The following ANO4 variants were observed in gnomAD, a reference collection of about 807,000 sequenced individuals.
ANO4 encodes anoctamin 4.
Under a neutral mutation model 141.9 loss-of-function variants are expected in ANO4, and 69 were observed. That is an observed-to-expected ratio of 0.49 (90% CI 0.40 to 0.59). ANO4 has a LOEUF of 0.59. Among genes scored for constraint, ANO4 ranks in the 20% least tolerant of loss-of-function variants. The pLI, the probability that ANO4 is intolerant of heterozygous loss-of-function variation, is 0.00. For missense variants in ANO4, 894 were observed against 1,162.2 expected (o/e 0.77, Z 3.36); for synonymous variants, 350 against 394.3 (o/e 0.89, Z 1.33).
chr12:100,868,437 T>G (rs955583102), intron 1 of ANO4, among the ~76,000 whole-genome samples: 4 of 152,178 alleles, frequency 2.6e-5, no homozygotes, highest in African/African-American at 9.7e-5. Flanking sequence ...TCTGAGATTA[T>G]TTAGTCACCA....
chr12:101,025,093 G>A (rs1343784901), intron 9 of ANO4, among the ~76,000 whole-genome samples: 1 of 152,184 alleles, frequency 6.6e-6, no homozygotes, highest in Non-Finnish European at 1.5e-5. Flanking sequence ...GAGCTTTAAA[G>A]ATCAACATGT....
rs575428711 is a variant in ANO4, at chr12:100,956,508, GT to G, written c.456+13976del. 6.0e-4 allele frequency among the ~76,000 whole-genome samples: 92 copies of G among 152,316 alleles called. 1 individual carries two copies. In the South Asian group the frequency reaches 0.018, roughly 30 times the overall value. On this transcript the variant is annotated intron_variant, in intron 5 of 27. Coordinates refer to ENST00000392977, the MANE Select transcript of ANO4 (RefSeq NM_001286615.2). ...GTGGTGAGACCTTGTGCCCATTAGA[GT>G]TTCAGAAGTGCATTATGTCGCCTCT...
chr12:100,776,500 G>T (rs1222022479), intron 3 of ANO4, among the ~76,000 whole-genome samples: 1 of 152,108 alleles, frequency 6.6e-6, no homozygotes, highest in African/African-American at 2.4e-5. Context: ...ACCTTTCATT[G>T]GGGGATACAG....
intron 5 of ANO4, among the ~76,000 whole-genome samples, chr12:100,958,310 A>G (rs373932957): frequency 2.6e-5 from 4 of 152,194 alleles, no homozygotes; most frequent in African/African-American, 9.7e-5. Context: ...ATAAAAATCA[A>G]GTAACTTTCT....
At chr12:100,942,355 GT>G in intron 4 of ANO4, 21 bp from the exon 5 acceptor site, 1 of 1,606,660 alleles carries the variant, frequency 6.2e-7, no homozygotes, top group Non-Finnish European at 8.5e-7. Flanking sequence ...ACTTAAACTG[GT>G]CCCTTTCTCT....
chr12:101,017,431 C>G lies in ANO4; in HGVS notation c.735-2603C>G, dbSNP rs2046356536. 2.6e-5 allele frequency among the ~76,000 whole-genome samples: 4 copies of G among 152,284 alleles called. No individual in the cohort carries two copies. In the South Asian group the frequency reaches 8.3e-4, roughly 32 times the overall value. On this transcript the variant is annotated intron_variant, in intron 8 of 27. Transcript: ENST00000392977. Reference sequence around the variant, plus strand: ...GTGTGGGGACACAGCTAAACCATATCAAGCACCACACTGCATTTCAGAGTG... The same window carrying G: ...GTGTGGGGACACAGCTAAACCATATGAAGCACCACACTGCATTTCAGAGTG...
chr12:101,002,832 AC>A (rs1285369078), intron 8 of ANO4, among the ~76,000 whole-genome samples: 1 of 152,214 alleles, frequency 6.6e-6, no homozygotes, highest in Non-Finnish European at 1.5e-5. Flanking sequence ...GGAGCTCCAG[AC>A]TAAGTTTCTC....
chr12:100,979,590 G>A (rs903662409), intron 7 of ANO4, among the ~76,000 whole-genome samples: 1 of 152,122 alleles, frequency 6.6e-6, no homozygotes, highest in Non-Finnish European at 1.5e-5. Context: ...AGGAGAAAGA[G>A]GGGACAGGAT....
chr12:100,897,015 A>G (rs1023578314), intron 1 of ANO4, among the ~76,000 whole-genome samples: 2 of 152,346 alleles, frequency 1.3e-5, no homozygotes, highest in Non-Finnish European at 2.9e-5. Flanking sequence ...TGCATTAAGT[A>G]ACATAGGTGG....
At chr12:100,759,863 CTT>C (rs2032780700) in intron 3 of ANO4, among the ~76,000 whole-genome samples, 1 of 152,158 alleles carries the variant, frequency 6.6e-6, no homozygotes, top group African/African-American at 2.4e-5. Flanking sequence ...CATATAAAGA[CTT>C]TATAGTCTCA....
chr12:100,812,938 A>G (rs990810980), intron 1 of ANO4, among the ~76,000 whole-genome samples: 2 of 152,244 alleles, frequency 1.3e-5, no homozygotes, highest in East Asian at 1.9e-4. Context: ...ACTCAGGGAT[A>G]TGAAAAGTGG....
chr12:101,001,487 G>A (rs560484346), intron 8 of ANO4, among the ~76,000 whole-genome samples: 43 of 152,184 alleles, frequency 2.8e-4, no homozygotes, highest in Non-Finnish European at 4.7e-4. Context: ...AGGAGGCGCA[G>A]AAACTCAGAA....
intron 17 of ANO4, among the ~76,000 whole-genome samples, chr12:101,087,975 A>C (rs2049573759): frequency 1.3e-5 from 2 of 152,152 alleles, no homozygotes; most frequent in Admixed American, 1.3e-4. Context: ...ATCTAGGCTC[A>C]ACATGGAAGC....
chr12:101,042,675 A>AG (rs1309375310), intron 12 of ANO4, among the ~76,000 whole-genome samples: 1 of 152,200 alleles, frequency 6.6e-6, no homozygotes, highest in Admixed American at 6.5e-5. Flanking sequence ...TGCAAGTAAA[A>AG]GTTACCTTTT....
intron 1 of ANO4, among the ~76,000 whole-genome samples, chr12:100,827,962 G>A (rs2036443083): frequency 2.0e-5 from 3 of 151,992 alleles, no homozygotes; most frequent in Admixed American, 2.0e-4. Flanking sequence ...TACGACGGGT[G>A]TCCCTTCACA....
chr12:101,016,487 C>T (rs919787968), intron 8 of ANO4, among the ~76,000 whole-genome samples: 3 of 152,088 alleles, frequency 2.0e-5, no homozygotes, highest in Non-Finnish European at 2.9e-5. Flanking sequence ...TCCCACCAGA[C>T]CCCACCTCTA....
chr12:101,109,057 C>T lies in ANO4; in HGVS notation c.2150-1347C>T, dbSNP rs531902918. On this transcript the variant is annotated intron_variant, in intron 22 of 27. Coordinates refer to ENST00000392977, the MANE Select transcript of ANO4 (RefSeq NM_001286615.2). ...TCAGTCTGTCTTTGTTTTTCATGAT[C>T]TTGACATATTTGCAGAGTATTTGTC... 2.0e-5 allele frequency among the ~76,000 whole-genome samples: 3 copies of T among 152,184 alleles called. No individual in the cohort carries two copies. In the South Asian group the frequency reaches 6.2e-4, roughly 32 times the overall value.
At chr12:100,960,793 CA>C (rs2043386247) in intron 5 of ANO4, among the ~76,000 whole-genome samples, 1 of 152,036 alleles carries the variant, frequency 6.6e-6, no homozygotes, top group Non-Finnish European at 1.5e-5. Flanking sequence ...GAATGGCTGT[CA>C]GTGGGTTGAT....
At chr12:100,927,208 T>C (rs2041910213) in intron 3 of ANO4, among the ~76,000 whole-genome samples, 1 of 152,110 alleles carries the variant, frequency 6.6e-6, no homozygotes, top group African/African-American at 2.4e-5. Context: ...TGCACAGTTC[T>C]GGATACATGA....
Sources: allele counts gnomAD v4.1 joint callset (sites outside exome capture counted in the v4.1 genomes callset), GRCh38; gene constraint gnomAD v4.1.1; transcripts MANE v1.5; gene names NCBI Gene and HGNC (gene_info 2026-07-23, HGNC 2026-07-21).